The following FGF14 variants were observed in gnomAD, a reference collection of about 807,000 sequenced individuals.
The protein encoded by FGF14 is fibroblast growth factor homologous factor 4.
FGF14 carries 5 observed loss-of-function variants against 25.5 expected under a neutral mutation model. The observed-to-expected ratio is 0.20, with a 90% CI of 0.10 to 0.41. The LOEUF (loss-of-function observed/expected upper bound fraction) is 0.41, where lower values mean the gene tolerates loss of function less well. Among genes scored for constraint, FGF14 ranks in the 10% least tolerant of loss-of-function variants. The pLI is 1.00. For missense variants in FGF14, 222 were observed against 320.1 expected (o/e 0.69, Z 2.34); for synonymous variants, 138 against 118.3 (o/e 1.17, Z -1.08).
intron 1 of FGF14, among the ~76,000 whole-genome samples, chr13:102,083,193 C>G (rs1566662537): frequency 6.6e-6 from 1 of 152,160 alleles, no homozygotes; most frequent in Non-Finnish European, 1.5e-5. Flanking sequence ...TACATGACCA[C>G]CATTGCTATC....
At chr13:101,955,514 C>A (rs1259578345) in intron 1 of FGF14, among the ~76,000 whole-genome samples, 1 of 152,144 alleles carries the variant, frequency 6.6e-6, no homozygotes, top group East Asian at 1.9e-4. Context: ...TGCTTCATGT[C>A]AATAAAATGG....
chr13:101,788,375 C>T (rs1594249294), intron 3 of FGF14, among the ~76,000 whole-genome samples: 2 of 152,178 alleles, frequency 1.3e-5, no homozygotes, highest in Non-Finnish European at 2.9e-5. Flanking sequence ...ATAATGAGGA[C>T]TGTACATAGG....
At chr13:102,266,743 A>T (rs1277713996) in intron 1 of FGF14, among the ~76,000 whole-genome samples, 1 of 152,174 alleles carries the variant, frequency 6.6e-6, no homozygotes, top group Non-Finnish European at 1.5e-5. Flanking sequence ...TAAATTGAAA[A>T]TATCAGTATA....
chr13:102,359,443 A>T (rs1226220039), intron 1 of FGF14, among the ~76,000 whole-genome samples: 1 of 152,222 alleles, frequency 6.6e-6, no homozygotes, highest in East Asian at 1.9e-4. Flanking sequence ...ATTTCTGGCC[A>T]CATTTTGATG....
At chr13:102,085,830 C>T (rs1338247890) in intron 1 of FGF14, among the ~76,000 whole-genome samples, 1 of 152,080 alleles carries the variant, frequency 6.6e-6, no homozygotes. Context: ...ACTGAAAATC[C>T]TCAAGCAAAA....
chr13:102,108,508 T>C (rs1234728912), intron 1 of FGF14, among the ~76,000 whole-genome samples: 3 of 152,198 alleles, frequency 2.0e-5, no homozygotes, highest in African/African-American at 4.8e-5. Context: ...TGAAACATGT[T>C]AAGATATTGT....
intron 1 of FGF14, among the ~76,000 whole-genome samples, chr13:102,326,767 GAAGGAAGAAAAAA>G (rs1480362998): frequency 2.2e-5 from 3 of 134,404 alleles, no homozygotes; most frequent in East Asian, 4.0e-4. Flanking sequence ...GGGAGGGAAG[GAAGGAAGAAAAAA>G]AAGGAAGGAA....
intron 1 of FGF14, among the ~76,000 whole-genome samples, chr13:102,174,321 CTT>C (rs35818329): frequency 2.0e-5 from 3 of 146,954 alleles, no homozygotes; most frequent in Admixed American, 1.4e-4. Context: ...TTCTTTCTTT[CTT>C]TTTTTTTTTA....
intron 1 of FGF14, among the ~76,000 whole-genome samples, chr13:102,173,963 T>C (rs781327224): frequency 1.9e-4 from 29 of 151,922 alleles, no homozygotes; most frequent in Non-Finnish European, 2.9e-5. Flanking sequence ...AGAGAAAGAA[T>C]AAAAGGCATC....
chr13:102,118,005 A>T (rs2140349829), intron 1 of FGF14, among the ~76,000 whole-genome samples: 1 of 152,288 alleles, frequency 6.6e-6, no homozygotes, highest in African/African-American at 2.4e-5. Flanking sequence ...ATAAAAAACT[A>T]CAATAAATGA....
At chr13:101,979,959 T>TC (rs1305727833) in intron 1 of FGF14, among the ~76,000 whole-genome samples, 1 of 152,182 alleles carries the variant, frequency 6.6e-6, no homozygotes, top group Admixed American at 6.5e-5. Context: ...CAACACTAAA[T>TC]CGTTTGCTGC....
intron 1 of FGF14, among the ~76,000 whole-genome samples, chr13:102,024,193 G>T (rs1328463633): frequency 6.6e-6 from 1 of 151,998 alleles, no homozygotes. Flanking sequence ...ACATTTTAAA[G>T]AACTGTATGT....
At chr13:102,343,599 G>A (rs1045978245) in intron 1 of FGF14, among the ~76,000 whole-genome samples, 1 of 152,100 alleles carries the variant, frequency 6.6e-6, no homozygotes, top group African/African-American at 2.4e-5. Flanking sequence ...GGATTAGAAG[G>A]GTGTGATATT....
rs57533678 is a variant in FGF14, at chr13:101,772,460, G to C, written c.409-45650C>G. Among the ~76,000 whole-genome samples, 938 of 152,184 alleles carry C rather than the reference G, an allele frequency of 6.2e-3. 12 individuals are homozygous for C. Among genetic ancestry groups the C allele is most frequent in the African/African-American group, 0.021 (868 of 41,570 alleles). ...CCATGTAGAAGAGATGATTAATTAT[G>C]TCTTGGGTTGGGTGCTCTCTTTATT... On this transcript the variant is annotated intron_variant, in intron 3 of 4. Transcript: ENST00000376143.
chr13:101,751,489 C>A (rs2037271207), intron 3 of FGF14, among the ~76,000 whole-genome samples: 1 of 152,044 alleles, frequency 6.6e-6, no homozygotes, highest in Non-Finnish European at 1.5e-5. Context: ...TTAATAAGTT[C>A]CACAGTAGGA....
intron 3 of FGF14, among the ~76,000 whole-genome samples, chr13:101,811,868 G>A (rs1317058794): frequency 6.6e-6 from 1 of 152,108 alleles, no homozygotes; most frequent in Non-Finnish European, 1.5e-5. Context: ...TAACAGGAAA[G>A]GACTAGCCTA....
intron 1 of FGF14, among the ~76,000 whole-genome samples, chr13:102,259,961 G>A (rs950652768): frequency 6.6e-6 from 1 of 152,154 alleles, no homozygotes; most frequent in African/African-American, 2.4e-5. Flanking sequence ...CCGGACAGAG[G>A]GAGCTGTTTC....
rs181911320 is a variant in FGF14, at chr13:102,384,478, T to C, written c.208+16993A>G. 2.2e-3 allele frequency among the ~76,000 whole-genome samples: 337 copies of C among 152,270 alleles called. 3 individuals are homozygous for C. The highest frequency in any genetic ancestry group is 3.8e-3 in the Non-Finnish European group (259 of 68,012). On this transcript the variant is annotated intron_variant, in intron 1 of 4. Coordinates refer to the FGF14 transcript ENST00000376131. ...CTCATGCCCCTAAAAATATTTAAGGTTTACTGTTTTCTCTTTCTTGAACAA... is the reference window on the plus strand; with the variant it reads ...CTCATGCCCCTAAAAATATTTAAGGCTTACTGTTTTCTCTTTCTTGAACAA...
At chr13:101,827,195 TA>T (rs1236978633) in intron 3 of FGF14, among the ~76,000 whole-genome samples, 5 of 152,038 alleles carry the variant, frequency 3.3e-5, no homozygotes, top group Non-Finnish European at 7.4e-5. Flanking sequence ...GTCATAATTT[TA>T]AAATGGATTT....
Sources: gnomAD v4.1 joint callset for allele counts (sites outside exome capture counted in the v4.1 genomes callset) on GRCh38, gnomAD v4.1.1 for gene constraint, MANE v1.5 for transcripts, NCBI Gene and HGNC (gene_info 2026-07-23, HGNC 2026-07-21) for gene names.